The following SNTG2 variants were observed in gnomAD, a reference collection of about 807,000 sequenced individuals.
The protein encoded by SNTG2 is syntrophin gamma 2.
A neutral mutation model predicts 70.9 loss-of-function variants in SNTG2; 74 were observed. The observed-to-expected ratio is 1.04, with a 90% CI of 0.86 to 1.27. The LOEUF is 1.27. Ranked by LOEUF, SNTG2 falls within the 50% of genes most tolerant of loss-of-function variation. The probability of loss-of-function intolerance (pLI) is 0.00; values close to 1 mark genes in which losing one functional copy is unlikely to be tolerated. For missense variants in SNTG2, 717 were observed against 690.7 expected (o/e 1.04, Z -0.43); for synonymous variants, 278 against 273.8 (o/e 1.02, Z -0.15).
intron 1 of SNTG2, among the ~76,000 whole-genome samples, chr2:958,274 TAAC>T (rs756972207): frequency 2.0e-5 from 3 of 152,162 alleles, no homozygotes; most frequent in African/African-American, 7.2e-5. Flanking sequence ...GACAAAAGGA[TAAC>T]AACAGGAATT....
intron 8 of SNTG2, among the ~76,000 whole-genome samples, chr2:1,180,118 A>G (rs1335430822): frequency 8.0e-6 from 1 of 125,204 alleles, no homozygotes; most frequent in African/African-American, 2.9e-5. Flanking sequence ...AAAACCCTAG[A>G]AGAAAACCTA....
intron 4 of SNTG2, among the ~76,000 whole-genome samples, chr2:1,122,118 C>T (rs1572496038): frequency 6.6e-6 from 1 of 152,110 alleles, no homozygotes; most frequent in East Asian, 1.9e-4. Flanking sequence ...GTAATCAAAT[C>T]CTTTCAACAA....
intron 16 of SNTG2, among the ~76,000 whole-genome samples, chr2:1,338,686 G>A (rs1368942149): frequency 6.6e-6 from 1 of 152,092 alleles, no homozygotes; most frequent in East Asian, 1.9e-4. Context: ...GTCCATCCAT[G>A]TTGGAATATG....
At chr2:1,016,498 C>T (rs942853261) in intron 1 of SNTG2, among the ~76,000 whole-genome samples, 1 of 152,196 alleles carries the variant, frequency 6.6e-6, no homozygotes, top group Non-Finnish European at 1.5e-5. Flanking sequence ...GCCTCAGCCT[C>T]CCAAAGTGCA....
intron 8 of SNTG2, among the ~76,000 whole-genome samples, chr2:1,181,891 A>T (rs1671926700): frequency 6.6e-6 from 1 of 152,184 alleles, no homozygotes; most frequent in Admixed American, 6.5e-5. Context: ...AAGAATCCTT[A>T]CTAAACATTT....
chr2:987,513 G>A (rs1479474859), intron 1 of SNTG2, among the ~76,000 whole-genome samples: 1 of 152,018 alleles, frequency 6.6e-6, no homozygotes, highest in Non-Finnish European at 1.5e-5. Flanking sequence ...TGGAAGGAGA[G>A]GTTCGCGGTT....
chr2:1,267,159 A>G (rs1678783160), intron 13 of SNTG2, among the ~76,000 whole-genome samples: 1 of 152,184 alleles, frequency 6.6e-6, no homozygotes, highest in African/African-American at 2.4e-5. Flanking sequence ...GCATTTGACA[A>G]AATTTATTTA....
intron 1 of SNTG2, among the ~76,000 whole-genome samples, chr2:1,032,210 C>G (rs75370175): frequency 6.6e-6 from 1 of 152,028 alleles, no homozygotes; most frequent in Non-Finnish European, 1.5e-5. Flanking sequence ...CACGGGAGCA[C>G]GGCGCCTCAT....
intron 9 of SNTG2, among the ~76,000 whole-genome samples, chr2:1,229,241 G>C (rs968434285): frequency 2.0e-5 from 3 of 152,130 alleles, no homozygotes; most frequent in African/African-American, 7.2e-5. Flanking sequence ...GGTCTGTTTT[G>C]ACAGGGTGCT....
intron 14 of SNTG2, among the ~76,000 whole-genome samples, chr2:1,293,843 T>C (rs9753172): frequency 0.68 from 103,745 of 152,066 alleles, 35,966 homozygotes; most frequent in African/African-American, 0.81. Flanking sequence ...TTTGTGCACT[T>C]ACTAGGAGTT....
chr2:1,068,570 T>G (rs1164149671), intron 1 of SNTG2, among the ~76,000 whole-genome samples: 1 of 152,212 alleles, frequency 6.6e-6, no homozygotes, highest in Non-Finnish European at 1.5e-5. Flanking sequence ...TAAAATGCAA[T>G]TAGACAGGTG....
intron 1 of SNTG2, among the ~76,000 whole-genome samples, chr2:1,064,418 G>T (rs1663019700): frequency 6.6e-6 from 1 of 150,768 alleles, no homozygotes; most frequent in Non-Finnish European, 1.5e-5. Flanking sequence ...TTAATGCATT[G>T]ATATATAATT....
intron 10 of SNTG2, 48 bp downstream of exon 10, chr2:1,238,065 G>GA (rs759680006): frequency 2.9e-5 from 45 of 1,565,080 alleles, no homozygotes; most frequent in Non-Finnish European, 3.9e-5. Flanking sequence ...ATTCGTGCAT[G>GA]AAAAATAATG....
At chr2:1,312,547 G>A (rs73179410) in intron 15 of SNTG2, among the ~76,000 whole-genome samples, 3,890 of 152,334 alleles carry the variant, frequency 0.026, 164 homozygotes, top group African/African-American at 0.089. Context: ...CGGATCCCAG[G>A]ATGGAGCCTG....
At chr2:1,208,448 C>T (rs138606579) in intron 8 of SNTG2, among the ~76,000 whole-genome samples, 1 of 152,280 alleles carries the variant, frequency 6.6e-6, no homozygotes, top group African/African-American at 2.4e-5. Flanking sequence ...TCTTTGAGAA[C>T]GTGGAATGGG....
At chr2:1,102,296 T>G (rs954205714) in intron 4 of SNTG2, among the ~76,000 whole-genome samples, 6 of 152,146 alleles carry the variant, frequency 3.9e-5, no homozygotes, top group African/African-American at 1.4e-4. Flanking sequence ...AGCTTCTCAT[T>G]TAAGAAAAGT....
chr2:1,057,115 C>T (rs916773645), intron 1 of SNTG2, among the ~76,000 whole-genome samples: 4 of 151,990 alleles, frequency 2.6e-5, no homozygotes, highest in Admixed American at 1.3e-4. Context: ...CCAGGCCTGT[C>T]CTGCAAGCAG....
At chr2:1,007,028 CAAATAAATAAAT>C (rs140776493) in intron 1 of SNTG2, among the ~76,000 whole-genome samples, 5 of 61,372 alleles carry the variant, frequency 8.1e-5, no homozygotes, top group African/African-American at 2.1e-4. Flanking sequence ...AACTCCATCT[CAAATAAATAAAT>C]AAATAAATAA....
At chr2:951,186 T>C in intron 1 of SNTG2, 118 bp downstream of exon 1, 2 of 470,244 alleles carry the variant, frequency 4.3e-6, no homozygotes, top group Non-Finnish European at 6.7e-6. Context: ...CCCTTCCCTG[T>C]CTCCGGGGAC....
Sources: allele counts gnomAD v4.1 joint callset (sites outside exome capture counted in the v4.1 genomes callset), GRCh38; gene constraint gnomAD v4.1.1; transcripts MANE v1.5; gene names NCBI Gene and HGNC (gene_info 2026-07-23, HGNC 2026-07-21).